The following UBE2Q2 variants were observed in gnomAD, a reference collection of about 807,000 sequenced individuals.
The protein encoded by UBE2Q2 is ubiquitin conjugating enzyme E2 Q2, also known as ubiquitin-conjugating enzyme E2 Q2.
A neutral mutation model predicts 59.9 loss-of-function variants in UBE2Q2; 54 were observed. That is an observed-to-expected ratio of 0.90 (90% CI 0.72 to 1.13). UBE2Q2 has a LOEUF of 1.13. Among genes scored for constraint, UBE2Q2 ranks in the 50% most tolerant of loss-of-function variants. The pLI, the probability that UBE2Q2 is intolerant of heterozygous loss-of-function variation, is 0.00. For synonymous variants in UBE2Q2, 165 were observed against 155.2 expected, an observed-to-expected ratio of 1.06 and a Z score of -0.47; for missense variants, 433 against 441.9, an observed-to-expected ratio of 0.98 and a Z score of 0.18.
intron 1 of UBE2Q2, among the ~76,000 whole-genome samples, chr15:75,846,516 C>T (rs1234530044): frequency 1.3e-5 from 2 of 152,122 alleles, no homozygotes; most frequent in African/African-American, 4.8e-5. Flanking sequence ...CCGTTCCTGG[C>T]CGTAAAGACT....
intron 9 of UBE2Q2, among the ~76,000 whole-genome samples, chr15:75,889,969 T>C (rs925570804): frequency 1.3e-5 from 2 of 152,050 alleles, no homozygotes; most frequent in Non-Finnish European, 2.9e-5. Context: ...CACAACAGAA[T>C]GGGTAAAAAC....
intron 1 of UBE2Q2, among the ~76,000 whole-genome samples, chr15:75,849,959 C>A (rs566479299): frequency 6.6e-6 from 1 of 152,248 alleles, no homozygotes; most frequent in South Asian, 2.1e-4. Context: ...GCAAACTTAT[C>A]TTTTCAAGAT....
At chr15:75,874,592 A>G (rs1897972881) in intron 5 of UBE2Q2, among the ~76,000 whole-genome samples, 1 of 152,074 alleles carries the variant, frequency 6.6e-6, no homozygotes, top group Non-Finnish European at 1.5e-5. Context: ...CCACAACTTA[A>G]TATCTCTTTT....
At chr15:75,867,464 T>C (rs1897561085) in intron 3 of UBE2Q2, among the ~76,000 whole-genome samples, 1 of 152,190 alleles carries the variant, frequency 6.6e-6, no homozygotes, top group Non-Finnish European at 1.5e-5. Flanking sequence ...TCACTAAGGG[T>C]ATTCTCCTTG....
chr15:75,864,893 A>G (rs1897378815), intron 3 of UBE2Q2, among the ~76,000 whole-genome samples: 1 of 152,230 alleles, frequency 6.6e-6, no homozygotes, highest in Admixed American at 6.5e-5. Context: ...TTAAACAAAC[A>G]TGTAAGGGTA....
intron 2 of UBE2Q2, among the ~76,000 whole-genome samples, chr15:75,856,493 T>C (rs1896924405): frequency 6.6e-6 from 1 of 152,116 alleles, no homozygotes; most frequent in Admixed American, 6.5e-5. Flanking sequence ...CAAATGAGAA[T>C]TTAGTATAAG....
At chr15:75,895,863 C>A (rs1899391477) in intron 11 of UBE2Q2, among the ~76,000 whole-genome samples, 1 of 152,138 alleles carries the variant, frequency 6.6e-6, no homozygotes, top group Non-Finnish European at 1.5e-5. Context: ...TTTGACACAG[C>A]AGCTCTACTC....
chr15:75,846,389 C>A (rs978494257), intron 1 of UBE2Q2, among the ~76,000 whole-genome samples: 1 of 152,098 alleles, frequency 6.6e-6, no homozygotes, highest in African/African-American at 2.4e-5. Flanking sequence ...AGGTTTCCGC[C>A]GCCACACCCG....
At chr15:75,847,960 A>T (rs1235753746) in intron 1 of UBE2Q2, among the ~76,000 whole-genome samples, 1 of 152,150 alleles carries the variant, frequency 6.6e-6, no homozygotes, top group Non-Finnish European at 1.5e-5. Context: ...ATTTCTATTC[A>T]TTATTGCCAA....
At chr15:75,844,699 A>C in intron 1 of UBE2Q2, 2 of 452,344 alleles carry the variant, frequency 4.4e-6, no homozygotes, top group Non-Finnish European at 7.9e-6. Context: ...TTCTCCATAA[A>C]AGTGTATCGT....
chr15:75,853,472 G>GA (rs1175506920), intron 1 of UBE2Q2, among the ~76,000 whole-genome samples: 2 of 145,624 alleles, frequency 1.4e-5, no homozygotes, highest in East Asian at 3.9e-4. Flanking sequence ...CTGTCTCGAG[G>GA]AAAAAAAGAA....
chr15:75,899,626 G>A lies in UBE2Q2; in HGVS notation c.*168G>A, dbSNP rs188397284. On this transcript the variant is annotated 3_prime_UTR_variant, in exon 13 of 13. Coordinates refer to ENST00000267938, the MANE Select transcript of UBE2Q2 (RefSeq NM_173469.4). ...ACATCCAGTATAAGTTACAGCCTTTGCATTTTGCTCATTTTAGATATCTTG... is the reference window on the plus strand; with the variant it reads ...ACATCCAGTATAAGTTACAGCCTTTACATTTTGCTCATTTTAGATATCTTG... The A allele has an allele frequency of 1.7e-5, 8 of 460,206 alleles. No homozygotes were observed. The Admixed American group carries it at 2.1e-4, about 12-fold the overall frequency. The allele number at this position is 460,206 out of a possible 1,614,324, so 28.5% of individuals were successfully genotyped here.
At chr15:75,881,753 G>A (rs1237984098) in intron 8 of UBE2Q2, among the ~76,000 whole-genome samples, 1 of 152,244 alleles carries the variant, frequency 6.6e-6, no homozygotes, top group Non-Finnish European at 1.5e-5. Flanking sequence ...AAAGATGGGA[G>A]TTGGGGCAGG....
At chr15:75,891,490 T>TC (rs1899104535) in intron 11 of UBE2Q2, among the ~76,000 whole-genome samples, 2 of 152,108 alleles carry the variant, frequency 1.3e-5, no homozygotes, top group South Asian at 4.2e-4. Flanking sequence ...ACCAAGTTTT[T>TC]TTTTTTTAAA....
chr15:75,851,968 G>A (rs1896656777), intron 1 of UBE2Q2, among the ~76,000 whole-genome samples: 1 of 152,180 alleles, frequency 6.6e-6, no homozygotes, highest in Non-Finnish European at 1.5e-5. Flanking sequence ...GACCTTCTGG[G>A]CTCAATCAAT....
At chr15:75,854,887 A>T (rs770426629) in intron 2 of UBE2Q2, among the ~76,000 whole-genome samples, 2 of 152,204 alleles carry the variant, frequency 1.3e-5, no homozygotes, top group Non-Finnish European at 2.9e-5. Context: ...AGTCTGCAGT[A>T]AAAGAATAGA....
rs993218064 is a variant in UBE2Q2, at chr15:75,900,883, C to T, written c.*1425C>T. 2 of 152,596 alleles carry T rather than the reference C, an allele frequency of 1.3e-5. No homozygotes were observed. Among genetic ancestry groups the T allele is most frequent in the Non-Finnish European group, 2.9e-5 (2 of 68,024 alleles). The allele number at this position is 152,596 out of a possible 1,614,324, so 9.5% of individuals were successfully genotyped here. A position where few individuals can be genotyped will look rare whatever the true frequency, so the allele number is the denominator to read the frequency against. On this transcript the variant is annotated 3_prime_UTR_variant, in exon 13 of 13. Coordinates refer to ENST00000267938, the MANE Select transcript of UBE2Q2 (RefSeq NM_173469.4). The stretch of plus-strand genomic sequence containing the variant: ...TAAGCCTAAGGCTAAATCTTGAATA[C>T]ATTGTTGAATTCTTTAATATCCTGA...
At chr15:75,884,635 A>G (rs999204653) in intron 9 of UBE2Q2, among the ~76,000 whole-genome samples, 2 of 152,182 alleles carry the variant, frequency 1.3e-5, no homozygotes, top group African/African-American at 4.8e-5. Context: ...GAGTTCTGCC[A>G]CATGGTAAAG....
chr15:75,879,895 A>G lies in UBE2Q2; in HGVS notation c.825+707A>G, dbSNP rs568778330. ...TGTCCAAGAACAAAGAGGTGATTAC[A>G]TACAGGTTAGGGTAAGGAGTCCATC... is the stretch of plus-strand genomic sequence containing the variant. On this transcript the variant is annotated intron_variant, in intron 8 of 12. Coordinates refer to ENST00000267938, the MANE Select transcript of UBE2Q2 (RefSeq NM_173469.4). 2.0e-5 allele frequency among the ~76,000 whole-genome samples: 3 copies of G among 152,302 alleles called. No individual in the cohort carries two copies. The East Asian group carries it at 5.8e-4, about 29-fold the overall frequency.
Sources: gnomAD v4.1 joint callset for allele counts (sites outside exome capture counted in the v4.1 genomes callset) on GRCh38, gnomAD v4.1.1 for gene constraint, MANE v1.5 for transcripts, NCBI Gene and HGNC (gene_info 2026-07-23, HGNC 2026-07-21) for gene names.